The following TTC17 variants were observed in gnomAD, a reference collection of about 807,000 sequenced individuals.
TTC17 encodes tetratricopeptide repeat domain 17, also known as tetratricopeptide repeat protein 17.
TTC17 carries 58 observed loss-of-function variants against 143.8 expected under a neutral mutation model. That is an observed-to-expected ratio of 0.40 (90% CI 0.33 to 0.50). The LOEUF (loss-of-function observed/expected upper bound fraction) is 0.50, where lower values mean the gene tolerates loss of function less well. TTC17 is among the 20% of genes least tolerant of loss of function. The probability of loss-of-function intolerance (pLI) is 0.49; values close to 1 mark genes in which losing one functional copy is unlikely to be tolerated. For synonymous variants in TTC17, 501 were observed against 497.8 expected (o/e 1.01, Z -0.09); for missense variants, 1,273 against 1,392.5 (o/e 0.91, Z 1.37).
chr11:43,396,989 A>G (rs901583303), intron 6 of TTC17, 171 bp downstream of exon 6: 3 of 480,930 alleles, frequency 6.2e-6, no homozygotes, highest in African/African-American at 5.8e-5. Flanking sequence ...GATCTCAAAA[A>G]GTTCAAAGTG....
intron 6 of TTC17, 40 bp downstream of exon 6, chr11:43,396,858 C>T (rs1027226661): frequency 7.7e-7 from 1 of 1,306,850 alleles, no homozygotes; most frequent in Admixed American, 1.8e-5. Flanking sequence ...TTCCACATTC[C>T]TCAGGACTGT....
chr11:43,400,543 A>G (rs747624358), intron 9 of TTC17, among the ~76,000 whole-genome samples: 9 of 152,114 alleles, frequency 5.9e-5, no homozygotes, highest in Non-Finnish European at 1.3e-4. Flanking sequence ...CAACCCATCC[A>G]TACTCCTTTT....
rs762473363 is a variant in TTC17, at chr11:43,490,292, A to G, written c.3084A>G (p.Lys1028=). The change falls in exon 22 of 24, where the codon AAA becomes AAG. Residue 1028 remains lysine (K), a synonymous_variant. Coordinates refer to ENST00000039989, the MANE Select transcript of TTC17 (RefSeq NM_018259.6). Reference sequence around the variant, plus strand: ...TGGCAGCCCTCTACTGGAGGGTGAAAGGCCAAGGAAAGAAGGCAATCGACT... The same window carrying G: ...TGGCAGCCCTCTACTGGAGGGTGAAGGGCCAAGGAAAGAAGGCAATCGACT... ...SSMAALYWRV[K]GQGKKAIDCL... 7 of 1,612,822 alleles carry G rather than the reference A, an allele frequency of 4.3e-6. No homozygotes were observed. In the South Asian group the frequency reaches 5.5e-5, roughly 13 times the overall value.
At chr11:43,383,088 C>T (rs915902787) in intron 2 of TTC17, among the ~76,000 whole-genome samples, 1 of 151,636 alleles carries the variant, frequency 6.6e-6, no homozygotes, top group Non-Finnish European at 1.5e-5. Context: ...GTAGAGACAG[C>T]GTCTCACTTT....
intron 21 of TTC17, among the ~76,000 whole-genome samples, chr11:43,484,698 CATT>C (rs1948349906): frequency 6.6e-6 from 1 of 152,084 alleles, no homozygotes. Context: ...TAAAACAAGA[CATT>C]ATGCTGTTTG....
chr11:43,426,117 A>C (rs774993211), intron 16 of TTC17, among the ~76,000 whole-genome samples: 3 of 152,250 alleles, frequency 2.0e-5, no homozygotes, highest in Non-Finnish European at 4.4e-5. Context: ...TTCCTGCTGC[A>C]CCTCTGTAAT....
intron 21 of TTC17, among the ~76,000 whole-genome samples, chr11:43,461,377 C>T (rs1431650730): frequency 9.1e-5 from 10 of 109,860 alleles, no homozygotes; most frequent in Non-Finnish European, 1.4e-4. Context: ...GGCGACAGAG[C>T]GAAACTCCGT....
At chr11:43,398,261 C>T in intron 8 of TTC17, 148 bp downstream of exon 8, 1 of 1,022,458 alleles carries the variant, frequency 9.8e-7, no homozygotes, top group Non-Finnish European at 1.4e-6. Context: ...TCTGTAAGTC[C>T]TGGTGGTTTA....
chr11:43,456,799 T>C (rs1195944096), intron 21 of TTC17, among the ~76,000 whole-genome samples: 6 of 152,114 alleles, frequency 3.9e-5, no homozygotes, highest in African/African-American at 1.4e-4. Context: ...CAGGTGGAAT[T>C]AACAGATTGG....
intron 21 of TTC17, among the ~76,000 whole-genome samples, chr11:43,489,598 C>T (rs928197502): frequency 6.6e-6 from 1 of 151,858 alleles, no homozygotes. Context: ...ATTAGACAGG[C>T]GTGGTGGTGC....
chr11:43,492,238 A>G, intron 23 of TTC17, 75 bp downstream of exon 23: 2 of 1,530,420 alleles, frequency 1.3e-6, no homozygotes, highest in Non-Finnish European at 1.8e-6. Context: ...AACCTCTTTG[A>G]ATATGTCATT....
In TTC17 at chr11:43,398,450, G is replaced by A. The variant is rs573141451; in HGVS notation, c.1058+337G>A. On this transcript the variant is annotated intron_variant, in intron 8 of 23. Transcript: ENST00000039989. ...TAGTTGACTACTTACTTTGTTGACT[G>A]CATTTTTATTTGCATAGAATATACT... Among the ~76,000 whole-genome samples the A allele has an allele frequency of 3.4e-4, 52 of 152,272 alleles. 1 individual carries two copies. Among genetic ancestry groups the A allele is most frequent in the Middle Eastern group, 6.8e-3 (2 of 294 alleles).
intron 21 of TTC17, among the ~76,000 whole-genome samples, chr11:43,458,239 T>G (rs977840559): frequency 4.6e-5 from 7 of 152,140 alleles, no homozygotes; most frequent in Admixed American, 1.3e-4. Flanking sequence ...TTGGTGCCTC[T>G]GGGGAAGCCT....
At chr11:43,425,531 T>G (rs1488292724) in intron 16 of TTC17, among the ~76,000 whole-genome samples, 4 of 152,188 alleles carry the variant, frequency 2.6e-5, no homozygotes, top group African/African-American at 9.7e-5. Flanking sequence ...TTAATCATTG[T>G]ATGATCTCTA....
At chr11:43,388,449 A>G (rs1857250903) in intron 2 of TTC17, among the ~76,000 whole-genome samples, 1 of 152,106 alleles carries the variant, frequency 6.6e-6, no homozygotes, top group Non-Finnish European at 1.5e-5. Flanking sequence ...AAAAATATAC[A>G]TGGAAATGAC....
At chr11:43,420,414 G>A (rs1379149996) in intron 16 of TTC17, among the ~76,000 whole-genome samples, 1 of 152,162 alleles carries the variant, frequency 6.6e-6, no homozygotes, top group Non-Finnish European at 1.5e-5. Context: ...GTAAAACATG[G>A]ATGTAAACTG....
intron 21 of TTC17, among the ~76,000 whole-genome samples, chr11:43,460,407 G>T (rs923223404): frequency 6.6e-6 from 1 of 152,036 alleles, no homozygotes; most frequent in African/African-American, 2.4e-5. Flanking sequence ...CATGGCTTCT[G>T]TCCAGCCTGA....
intron 21 of TTC17, among the ~76,000 whole-genome samples, chr11:43,463,951 G>T (rs1347785262): frequency 6.6e-6 from 1 of 152,222 alleles, no homozygotes; most frequent in Non-Finnish European, 1.5e-5. Context: ...GGAAATGTAT[G>T]TTTTAATGCT....
At chr11:43,450,953 A>G (rs1236250402) in intron 20 of TTC17, among the ~76,000 whole-genome samples, 1 of 152,192 alleles carries the variant, frequency 6.6e-6, no homozygotes, top group Non-Finnish European at 1.5e-5. Flanking sequence ...GTGTTGCTAT[A>G]ATGAATGTGT....
Sources: gnomAD v4.1 joint callset for allele counts (sites outside exome capture counted in the v4.1 genomes callset) on GRCh38, gnomAD v4.1.1 for gene constraint, MANE v1.5 for transcripts, NCBI Gene and HGNC (gene_info 2026-07-23, HGNC 2026-07-21) for gene names.